PAX8: variants seen among roughly 807,000 people sequenced by gnomAD.
PAX8 encodes paired box protein Pax-8.
PAX8 carries 15 observed loss-of-function variants against 52.4 expected under a neutral mutation model. That is an observed-to-expected ratio of 0.29 (90% CI 0.19 to 0.44). PAX8 has a LOEUF of 0.44. Among genes scored for constraint, PAX8 ranks in the 20% least tolerant of loss-of-function variants. The pLI, the probability that PAX8 is intolerant of heterozygous loss-of-function variation, is 1.00. For missense variants in PAX8, 554 were observed against 602.5 expected, an observed-to-expected ratio of 0.92 and a Z score of 0.84; for synonymous variants, 284 against 249.7, an observed-to-expected ratio of 1.14 and a Z score of -1.29.
At position 113,278,173 on chromosome 2, in the gene PAX8, C is replaced by A. The variant is rs2277884; in HGVS notation, c.25+197G>T. Reference sequence around the variant, plus strand: ...AACCGGGCAAGGGCGGCTCAGCTGGCCGGGTGGAACCCCAGTGCCCGAGAA... The same window carrying A: ...AACCGGGCAAGGGCGGCTCAGCTGGACGGGTGGAACCCCAGTGCCCGAGAA... On this transcript the variant is annotated intron_variant, in intron 2 of 11. Coordinates refer to ENST00000429538, the MANE Select transcript of PAX8 (RefSeq NM_003466.4). 0.11 allele frequency among the ~76,000 whole-genome samples: 16,215 copies of A among 152,258 alleles called. 1,059 individuals carry two copies. The highest frequency in any genetic ancestry group is 0.18 in the African/African-American group (7,408 of 41,540).
At chr2:113,241,972 G>C (rs370911075) in intron 6 of PAX8, 36 bp downstream of exon 6, 4 of 1,610,818 alleles carry the variant, frequency 2.5e-6, no homozygotes, top group East Asian at 4.5e-5. Flanking sequence ...AACTGCTCTC[G>C]TGCACCGCCC....
intron 6 of PAX8, 104 bp downstream of exon 6, chr2:113,241,904 C>T: frequency 6.8e-7 from 1 of 1,476,074 alleles, no homozygotes; most frequent in Non-Finnish European, 9.4e-7. Context: ...CATGCAGAGC[C>T]CCTACAAAGT....
intron 9 of PAX8, among the ~76,000 whole-genome samples, chr2:113,230,915 G>A (rs10175462): frequency 0.37 from 56,321 of 151,974 alleles, 10,508 homozygotes; most frequent in South Asian, 0.45. Context: ...TCCTATTTTA[G>A]GAAGTTGACA....
At chr2:113,226,222 G>T (rs1210577459) in intron 10 of PAX8, 2 of 985,326 alleles carry the variant, frequency 2.0e-6, no homozygotes, top group Non-Finnish European at 2.4e-6. Flanking sequence ...GCAGGCCTAG[G>T]TAAATACGCC....
At chr2:113,228,297 G>A (rs747644879) in intron 9 of PAX8, among the ~76,000 whole-genome samples, 1 of 152,204 alleles carries the variant, frequency 6.6e-6, no homozygotes, top group Non-Finnish European at 1.5e-5. Context: ...GTTTGCCAAG[G>A]TGTACCCAGG....
rs1689065789 is a variant in PAX8, at chr2:113,217,430, A to G, written c.*1103T>C. Reference sequence around the variant, plus strand: ...TCTTTAAAAAAAGAAAGAAGCATCAAGGAGAGAAGCCCCACAGGGCAAAGA... The same window carrying G: ...TCTTTAAAAAAAGAAAGAAGCATCAGGGAGAGAAGCCCCACAGGGCAAAGA... On this transcript the variant is annotated 3_prime_UTR_variant, in exon 12 of 12. Coordinates refer to ENST00000429538, the MANE Select transcript of PAX8 (RefSeq NM_003466.4). 8.8e-6 allele frequency: 2 copies of G among 228,290 alleles called. No homozygotes were observed. The highest frequency in any genetic ancestry group is 6.3e-5 in the East Asian group (1 of 15,938). 14.1% of individuals were successfully genotyped at this position (228,290 alleles called of 1,614,324 possible).
intron 9 of PAX8, among the ~76,000 whole-genome samples, chr2:113,233,739 C>T (rs1011704882): frequency 5.3e-5 from 8 of 151,462 alleles, no homozygotes; most frequent in African/African-American, 1.9e-4. Context: ...CCTGTGGTTA[C>T]TCTGGGCTTG....
chr2:113,249,307 C>T (rs909358962), intron 2 of PAX8, among the ~76,000 whole-genome samples: 2 of 152,240 alleles, frequency 1.3e-5, no homozygotes, highest in South Asian at 2.1e-4. Context: ...GCCCTCACTG[C>T]ATCATTGTTG....
At chr2:113,264,208 T>C (rs983598158) in intron 2 of PAX8, among the ~76,000 whole-genome samples, 7 of 152,284 alleles carry the variant, frequency 4.6e-5, no homozygotes, top group Non-Finnish European at 1.0e-4. Context: ...CCAGTGTTTT[T>C]TACTCCCAGT....
intron 2 of PAX8, among the ~76,000 whole-genome samples, chr2:113,251,232 G>A (rs999765139): frequency 6.6e-6 from 1 of 152,190 alleles, no homozygotes; most frequent in South Asian, 2.1e-4. Flanking sequence ...CCAGAGGTGG[G>A]TGCAGACTTC....
chr2:113,246,671 G>A, intron 3 of PAX8, 83 bp downstream of exon 3: 1 of 1,459,898 alleles, frequency 6.8e-7, no homozygotes. Context: ...TTCCCTGGGA[G>A]GGGAATTCTC....
intron 10 of PAX8, among the ~76,000 whole-genome samples, chr2:113,224,036 G>A (rs994860266): frequency 2.0e-5 from 3 of 152,102 alleles, no homozygotes; most frequent in African/African-American, 4.8e-5. Flanking sequence ...ATTAATGGAG[G>A]AATAGATTGA....
intron 2 of PAX8, among the ~76,000 whole-genome samples, chr2:113,261,309 TCCTAATGTCTACAACTCTGGGACTGC>T (rs1270185306): frequency 1.3e-5 from 2 of 152,136 alleles, no homozygotes; most frequent in Admixed American, 6.5e-5. Context: ...ATCCTTCCAG[TCCTAATGTCTACAACTCTGGGACTGC>T]CCTCAGCCGG....
At chr2:113,235,673 C>A in intron 8 of PAX8, 91 bp from the exon 9 acceptor site, 1 of 1,076,256 alleles carries the variant, frequency 9.3e-7, no homozygotes. Flanking sequence ...GTGGAGGGTG[C>A]GGGCGGGGCG....
rs529556797 is a variant in PAX8 at position 113,216,405 on chromosome 2, G to A, written c.*2128C>T. 1 of 231,830 alleles carries A rather than the reference G, an allele frequency of 4.3e-6. No homozygotes were observed. Among genetic ancestry groups the A allele is most frequent in the Non-Finnish European group, 8.5e-6 (1 of 117,208 alleles). The allele number at this position is 231,830 out of a possible 1,614,324, so 14.4% of individuals were successfully genotyped here. ...CAGCCTCTGTCCTCCCAGCCCTGGA[G>A]TCCTTGGGCCCCTTCTATCTGACTC... On this transcript the variant is annotated 3_prime_UTR_variant, in exon 12 of 12. Transcript: ENST00000429538.
At chr2:113,236,916 A>G in intron 7 of PAX8, 195 bp from the exon 8 acceptor site, 1 of 648,790 alleles carries the variant, frequency 1.5e-6, no homozygotes, top group Non-Finnish European at 2.5e-6. Context: ...CATCCCTGGA[A>G]TTCAAGGCCA....
intron 9 of PAX8, among the ~76,000 whole-genome samples, chr2:113,233,187 C>A (rs1388566289): frequency 2.0e-5 from 3 of 152,030 alleles, no homozygotes; most frequent in Non-Finnish European, 2.9e-5. Context: ...AATGACCCAT[C>A]TCTGCTGCCT....
intron 2 of PAX8, chr2:113,274,087 A>G (rs147143973): frequency 6.6e-6 from 1 of 152,322 alleles, no homozygotes; most frequent in East Asian, 1.9e-4. Flanking sequence ...TCCTATATCA[A>G]TAAGTCACAA....
chr2:113,241,061 G>C (rs1690786906), intron 7 of PAX8: 2 of 227,142 alleles, frequency 8.8e-6, no homozygotes, highest in Admixed American at 1.0e-4. Context: ...GGGAGGAAAG[G>C]CATTCTGTGT....
Sources: allele counts gnomAD v4.1 joint callset (sites outside exome capture counted in the v4.1 genomes callset), GRCh38; gene constraint gnomAD v4.1.1; transcripts MANE v1.5; gene names NCBI Gene and HGNC (gene_info 2026-07-23, HGNC 2026-07-21).